Variants in PLAA observed in about 807,000 individuals in gnomAD.
PLAA encodes phospholipase A-2-activating protein.
PLAA carries 48 observed loss-of-function variants against 84.1 expected under a neutral mutation model. The ratio of observed to expected loss-of-function variants is 0.57; its 90% CI spans 0.45 to 0.73. The LOEUF (loss-of-function observed/expected upper bound fraction) is 0.73, where lower values mean the gene tolerates loss of function less well. Among genes scored for constraint, PLAA ranks in the 30% least tolerant of loss-of-function variants. PLAA has a pLI of 0.00. For missense variants in PLAA, 903 were observed against 954.7 expected, an observed-to-expected ratio of 0.95 and a Z score of 0.71; for synonymous variants, 392 against 336.6, an observed-to-expected ratio of 1.16 and a Z score of -1.80.
In PLAA at chr9:26,943,214, T is replaced by A. The variant is rs567084100; in HGVS notation, c.149+3683A>T. Among the ~76,000 whole-genome samples the A allele has an allele frequency of 2.1e-4, 32 of 152,328 alleles. No homozygotes were observed. In the South Asian group the frequency reaches 6.2e-3, roughly 30 times the overall value. On this transcript the variant is annotated intron_variant, in intron 1 of 13. Coordinates refer to ENST00000397292, the MANE Select transcript of PLAA (RefSeq NM_001031689.3). ...CCTGAAGTAGTCTGAAACAATGGCA[T>A]GTTGCTGGCTCAGTTCAATGCCCAA...
At chr9:26,946,836 C>T in intron 1 of PLAA, 61 bp downstream of exon 1, 2 of 1,493,160 alleles carry the variant, frequency 1.3e-6, no homozygotes, top group Non-Finnish European at 1.8e-6. Context: ...AAGGGTCACT[C>T]TCCTTCCACT....
chr9:26,939,620 T>TA (rs1383651539), intron 1 of PLAA, among the ~76,000 whole-genome samples: 3 of 151,848 alleles, frequency 2.0e-5, no homozygotes, highest in Non-Finnish European at 4.4e-5. Flanking sequence ...GAAACCATTT[T>TA]AAAAAACATA....
At chr9:26,914,237 T>C (rs570751879) in intron 10 of PLAA, among the ~76,000 whole-genome samples, 6 of 152,262 alleles carry the variant, frequency 3.9e-5, no homozygotes, top group African/African-American at 1.4e-4. Context: ...CAGAATAAAA[T>C]GTGAACACTA....
Position 26,905,736 on chromosome 9 carries a change from C to T in PLAA, c.2163G>A (p.Gly721=). The change falls in exon 14 of 14, where the codon GGG becomes GGA. Residue 721 remains glycine, a synonymous_variant. Transcript: ENST00000397292. ...TAATTAGTGACAAACATTGGGCTTT[C>T]CCTTCAATGTTATGGTCTTTATGAA... ...VCFHKDHNIE[G]KAQCLSLIST... is the part of the protein sequence containing the mutation. 1 of 1,613,972 alleles carries T rather than the reference C, an allele frequency of 6.2e-7. No homozygotes were observed. The highest frequency in any genetic ancestry group is 8.5e-7 in the Non-Finnish European group (1 of 1,179,846).
At chr9:26,940,936 T>C (rs1479302120) in intron 1 of PLAA, among the ~76,000 whole-genome samples, 1 of 152,090 alleles carries the variant, frequency 6.6e-6, no homozygotes, top group Non-Finnish European at 1.5e-5. Flanking sequence ...TGTTTTAAAA[T>C]CTGTATTATG....
In PLAA at chr9:26,905,930, G is replaced by C; in HGVS notation, c.1969C>G (p.Leu657Val). 6.2e-7 allele frequency: 1 copy of C among 1,614,192 alleles called. No homozygotes were observed. The highest frequency in any genetic ancestry group is 8.5e-7 in the Non-Finnish European group (1 of 1,180,030). Residue 657 changes from leucine to valine, a missense_variant, in exon 14 of 14, where the codon CTG becomes GTG. Physicochemically the swap from Leu to Val is conservative, Grantham distance 32. Coordinates refer to ENST00000397292, the MANE Select transcript of PLAA (RefSeq NM_001031689.3). The part of the protein sequence containing the change: ...LNPKGKPANQ[L>V]LALRTFCNCF... ...TTGCAAAAAGTCCTGAGAGCAAGCA[G>C]CTGGTTTGCTGGCTTTCCTTTAGGG...
intron 2 of PLAA, among the ~76,000 whole-genome samples, chr9:26,933,605 G>T (rs1822230869): frequency 6.6e-6 from 1 of 151,648 alleles, no homozygotes; most frequent in African/African-American, 2.4e-5. Flanking sequence ...TGGCTAACAT[G>T]GTAAAACCCT....
chr9:26,903,740 C>T lies in PLAA; in HGVS notation c.*1771G>A, dbSNP rs1333064391. On this transcript the variant is annotated 3_prime_UTR_variant, in exon 14 of 14. Transcript: ENST00000397292. ...GCTAAGCTATATTTTGTAATCTCCACAACAAACATGAAATAGTAAAGTTGA... is the reference window on the plus strand; with the variant it reads ...GCTAAGCTATATTTTGTAATCTCCATAACAAACATGAAATAGTAAAGTTGA... 6.6e-6 allele frequency among the ~76,000 whole-genome samples: 1 copy of T among 152,070 alleles called. No individual in the cohort carries two copies. The highest frequency in any genetic ancestry group is 1.5e-5 in the Non-Finnish European group (1 of 67,992).
chr9:26,918,233 T>A (rs1176937704), intron 9 of PLAA, among the ~76,000 whole-genome samples: 2 of 151,922 alleles, frequency 1.3e-5, no homozygotes, highest in African/African-American at 4.8e-5. Flanking sequence ...TGCCTCAGTT[T>A]TCCAAGGAGC....
chr9:26,921,749 A>T (rs1824767785), intron 7 of PLAA, among the ~76,000 whole-genome samples: 1 of 152,244 alleles, frequency 6.6e-6, no homozygotes, highest in Admixed American at 6.5e-5. Context: ...TACTAGTCAT[A>T]TGGAAAATAA....
chr9:26,910,613 A>G (rs1824370132), intron 11 of PLAA, among the ~76,000 whole-genome samples, 174 bp from the exon 12 acceptor site: 2 of 151,704 alleles, frequency 1.3e-5, no homozygotes, highest in South Asian at 4.1e-4. Context: ...ATTTATATTT[A>G]TTGATATAAT....
rs140755075 is a variant in PLAA at position 26,923,315 on chromosome 9, T to A, written c.902A>T (p.Glu301Val). 15 of 1,613,112 alleles carry A rather than the reference T, an allele frequency of 9.3e-6. No individual in the cohort carries two copies. In the Admixed American group the frequency reaches 2.0e-4, roughly 22 times the overall value. ...TTCTTCAGCACTTGCTGTTCGATCTTCTGATTCTGTAAACACTCTAATAAT... is the reference window on the plus strand; with the variant it reads ...TTCTTCAGCACTTGCTGTTCGATCTACTGATTCTGTAAACACTCTAATAAT... ...DGIIRVFTES[E>V]DRTASAEEIK... Residue 301 changes from glutamate to valine, a missense_variant, in exon 7 of 14, where the codon GAA becomes GTA. Coordinates refer to ENST00000397292, the MANE Select transcript of PLAA (RefSeq NM_001031689.3).
intron 11 of PLAA, 36 bp downstream of exon 11, chr9:26,913,843 A>T: frequency 6.9e-7 from 1 of 1,448,404 alleles, no homozygotes; most frequent in African/African-American, 1.4e-5. Flanking sequence ...AATTTTTAAA[A>T]TCTAAAAAAA....
chr9:26,911,479 G>C (rs1824396796), intron 11 of PLAA, among the ~76,000 whole-genome samples: 1 of 152,102 alleles, frequency 6.6e-6, no homozygotes, highest in Non-Finnish European at 1.5e-5. Flanking sequence ...AGTACAGAAG[G>C]GGTTTCACCA....
intron 13 of PLAA, 175 bp downstream of exon 13, chr9:26,907,659 G>A: frequency 1.8e-6 from 1 of 547,272 alleles, no homozygotes; most frequent in Non-Finnish European, 3.1e-6. Context: ...GCATGTAACG[G>A]AAACAAGATC....
intron 13 of PLAA, among the ~76,000 whole-genome samples, chr9:26,906,762 G>A (rs1363140811): frequency 6.6e-6 from 1 of 152,076 alleles, no homozygotes; most frequent in African/African-American, 2.4e-5. Context: ...CAGTTAACAA[G>A]TGATAGGATG....
intron 2 of PLAA, among the ~76,000 whole-genome samples, chr9:26,929,588 G>A (rs1254204860): frequency 6.6e-6 from 1 of 152,204 alleles, no homozygotes; most frequent in Admixed American, 6.5e-5. Context: ...AGACCAGAAG[G>A]AAGCAATCAC....
Position 26,928,140 on chromosome 9 carries a change from A to C in PLAA, c.525T>G (p.Val175=). 1.9e-6 allele frequency: 3 copies of C among 1,614,198 alleles called. No individual in the cohort carries two copies. The highest frequency in any genetic ancestry group is 2.5e-6 in the Non-Finnish European group (3 of 1,180,024). The change falls in exon 4 of 14, where the codon GTT becomes GTG. Residue 175 remains valine (V), a synonymous_variant. Coordinates refer to ENST00000397292, the MANE Select transcript of PLAA (RefSeq NM_001031689.3). ...LMLTGSADKT[V]KLWKAGRCER... is the part of the protein sequence containing the mutation. ...CACATCTTCCAGCCTTCCACAGTTTAACAGTCTTGTCTGCTGATCCAGTCA... is the reference window on the plus strand; with the variant it reads ...CACATCTTCCAGCCTTCCACAGTTTCACAGTCTTGTCTGCTGATCCAGTCA...
chr9:26,931,755 T>C (rs1479999446), intron 2 of PLAA, among the ~76,000 whole-genome samples: 2 of 152,162 alleles, frequency 1.3e-5, no homozygotes, highest in South Asian at 2.1e-4. Context: ...GATTGAAAGA[T>C]GTAGGGCTGG....
Sources: allele counts gnomAD v4.1 joint callset (sites outside exome capture counted in the v4.1 genomes callset), GRCh38; gene constraint gnomAD v4.1.1; transcripts MANE v1.5; gene names NCBI Gene and HGNC (gene_info 2026-07-23, HGNC 2026-07-21).